Variants in CDKL5 observed in about 807,000 individuals in gnomAD.
CDKL5 encodes the protein cyclin-dependent kinase-like 5.
A neutral mutation model predicts 61.7 loss-of-function variants in CDKL5; 8 were observed. The observed-to-expected ratio is 0.13, with a 90% CI of 0.08 to 0.23. The LOEUF (loss-of-function observed/expected upper bound fraction) is 0.23, where lower values mean the gene tolerates loss of function less well. Among genes scored for constraint, CDKL5 ranks in the 10% least tolerant of loss-of-function variants. The pLI is 1.00. For synonymous variants in CDKL5, 275 were observed against 272.3 expected, an observed-to-expected ratio of 1.01 and a Z score of -0.10; for missense variants, 440 against 734.5, an observed-to-expected ratio of 0.60 and a Z score of 4.63.
chrX:18,479,414 A>G (rs376764716), intron 1 of CDKL5, among the ~76,000 whole-genome samples: 224 of 102,347 alleles, frequency 2.2e-3, no homozygotes, highest in African/African-American at 7.2e-3. Context: ...CCGCCTCCCA[A>G]GTTCACGCCA....
intron 1 of CDKL5, chrX:18,444,080 T>G (rs1008175409): frequency 8.9e-5 from 9 of 101,079 alleles, no homozygotes; most frequent in Non-Finnish European, 1.2e-4. Flanking sequence ...ATCTTCAGGG[T>G]TTTTTTTTTT....
rs768333496 is a variant in CDKL5, at chrX:18,547,152, G to GAATA, written c.100-17321_100-17318dup. On this transcript the variant is annotated intron_variant, in intron 3 of 17. Coordinates refer to ENST00000623535, the MANE Select transcript of CDKL5 (RefSeq NM_001323289.2). ...GGGGCTTGAAAAATGTTTATTGGTT[G>GAATA]AATAAATGAATGAATGAATGAAGAA... Among the ~76,000 whole-genome samples the GAATA allele has an allele frequency of 5.1e-3, 570 of 112,077 alleles. 2 individuals are homozygous for GAATA. The highest frequency in any genetic ancestry group is 0.018 in the African/African-American group (558 of 30,781).
rs140238582 is a variant in CDKL5 at position 18,460,845 on chromosome X, A to G, written c.-163+35150A>G. Reference sequence around the variant, plus strand: ...TATTAAGTGGGATTCAAGGAGGCCCATCATGTCAGAATGCTGTGGGTTGGC... The same window carrying G: ...TATTAAGTGGGATTCAAGGAGGCCCGTCATGTCAGAATGCTGTGGGTTGGC... On this transcript the variant is annotated intron_variant, in intron 1 of 17. Transcript: ENST00000623535. Among the ~76,000 whole-genome samples, 706 of 112,038 alleles carry G rather than the reference A, an allele frequency of 6.3e-3. 4 individuals are homozygous for G. The highest frequency in any genetic ancestry group is 0.032 in the Middle Eastern group (7 of 218).
intron 20 of CDKL5, chrX:18,647,097 A>T (rs1020997773): frequency 9.8e-7 from 1 of 1,018,087 alleles, no homozygotes. Context: ...TTGTATTTTT[A>T]GTAGAGACGG....
At chrX:18,518,470 T>A in intron 3 of CDKL5, among the ~76,000 whole-genome samples, 1 of 86,546 alleles carries the variant, frequency 1.2e-5, no homozygotes, top group Non-Finnish European at 2.2e-5. Flanking sequence ...AGTGGGACAA[T>A]CTCAGCTCAC....
intron 1 of CDKL5, among the ~76,000 whole-genome samples, chrX:18,488,836 C>G (rs1231172685): frequency 8.9e-6 from 1 of 111,865 alleles, no homozygotes; most frequent in Non-Finnish European, 1.9e-5. Flanking sequence ...CTTTGGAATT[C>G]AGGCATGGCT....
intron 21 of CDKL5, among the ~76,000 whole-genome samples, chrX:18,652,092 G>A (rs1253186597): frequency 9.1e-6 from 1 of 110,469 alleles, no homozygotes; most frequent in Admixed American, 9.6e-5. Context: ...ATCTCCCCTC[G>A]CCTGCCTCCC....
At chrX:18,557,278 A>G (rs1300384362) in intron 3 of CDKL5, among the ~76,000 whole-genome samples, 1 of 112,298 alleles carries the variant, frequency 8.9e-6, no homozygotes, top group African/African-American at 3.2e-5. Context: ...TAAAAATAAC[A>G]GTATTACAAC....
chrX:18,450,889 T>A (rs76576515), intron 1 of CDKL5, among the ~76,000 whole-genome samples: 4 of 109,904 alleles, frequency 3.6e-5, no homozygotes, highest in African/African-American at 1.3e-4. Flanking sequence ...TTTTTTTTTT[T>A]AACATGCTGT....
At position 18,560,776 on chromosome X, in the gene CDKL5, T is replaced by TAC. The variant is rs57724882; in HGVS notation, c.100-3678_100-3677dup. Among the ~76,000 whole-genome samples the TAC allele has an allele frequency of 8.3e-3, 867 of 104,259 alleles. 9 individuals carry two copies. The highest frequency in any genetic ancestry group is 0.025 in the African/African-American group (711 of 28,673). The allele number at this position is 104,259 out of a possible 115,157, so 90.5% of individuals were successfully genotyped here. ...TTCCAGGTATTATTGATTCAAAAAA[T>TAC]ACACACACACACACACACACACACT... is the stretch of plus-strand genomic sequence containing the variant. On this transcript the variant is annotated intron_variant, in intron 3 of 17. Coordinates refer to ENST00000623535, the MANE Select transcript of CDKL5 (RefSeq NM_001323289.2).
At chrX:18,616,780 A>G (rs1398229703) in intron 15 of CDKL5, among the ~76,000 whole-genome samples, 1 of 111,677 alleles carries the variant, frequency 9.0e-6, no homozygotes, top group Non-Finnish European at 1.9e-5. Context: ...AGAATTATTC[A>G]CTGACTCTCT....
intron 3 of CDKL5, among the ~76,000 whole-genome samples, chrX:18,526,675 C>T (rs1923450335): frequency 9.0e-6 from 1 of 111,083 alleles, no homozygotes; most frequent in Admixed American, 9.6e-5. Flanking sequence ...GATTGAGTTT[C>T]AAAAAACGCT....
chrX:18,595,407 T>C lies in CDKL5; in HGVS notation c.804T>C (p.Ser268=). The C allele has an allele frequency of 1.7e-6, 2 of 1,177,575 alleles. No individual in the cohort carries two copies. Among genetic ancestry groups the C allele is most frequent in the Non-Finnish European group, 2.3e-6 (2 of 864,455 alleles). The change falls in exon 10 of 18, where the codon AGT becomes AGC. Residue 268 remains serine, a synonymous_variant. Coordinates refer to ENST00000623535, the MANE Select transcript of CDKL5 (RefSeq NM_001323289.2). ...GAAGATACCTTGGAATTTTGAATAG[T>C]GTTCTACTTGACCTAATGAAGGTAA... is the stretch of plus-strand genomic sequence containing the variant. The part of the protein sequence containing the change: ...LERRYLGILN[S]VLLDLMKNLL...
chrX:18,552,789 T>G (rs1310815783), intron 3 of CDKL5, among the ~76,000 whole-genome samples: 1 of 110,375 alleles, frequency 9.1e-6, no homozygotes, highest in African/African-American at 3.3e-5. Flanking sequence ...ACAAAGGGAA[T>G]AGACCCTAAG....
At chrX:18,550,186 G>A (rs992769675) in intron 3 of CDKL5, among the ~76,000 whole-genome samples, 6 of 111,426 alleles carry the variant, frequency 5.4e-5, no homozygotes, top group African/African-American at 2.0e-4. Flanking sequence ...TAGATCCCTG[G>A]GCTCTGGGCC....
At chrX:18,539,332 A>G (rs1353209285) in intron 3 of CDKL5, among the ~76,000 whole-genome samples, 3 of 111,931 alleles carry the variant, frequency 2.7e-5, no homozygotes, top group Non-Finnish European at 5.6e-5. Context: ...TAAAAAATGT[A>G]TACATTGAAT....
chrX:18,582,631 A>AT (rs1221145697), intron 7 of CDKL5, among the ~76,000 whole-genome samples: 1 of 111,825 alleles, frequency 8.9e-6, no homozygotes, highest in Non-Finnish European at 1.9e-5. Context: ...TGAACACTTG[A>AT]TTTTTTAAAT....
chrX:18,602,511 A>C lies in CDKL5; in HGVS notation c.978-1391A>C, dbSNP rs760672739. ...CTTTGCCATTTTAGTGCTCATATTTAGGAGTCCTTTTATTTAATGCTGTAA... is the reference window on the plus strand; with the variant it reads ...CTTTGCCATTTTAGTGCTCATATTTCGGAGTCCTTTTATTTAATGCTGTAA... On this transcript the variant is annotated intron_variant, in intron 11 of 17. Transcript: ENST00000623535. Among the ~76,000 whole-genome samples the C allele has an allele frequency of 2.7e-5, 3 of 111,392 alleles. No individual in the cohort carries two copies. The South Asian group carries it at 1.1e-3, about 42-fold the overall frequency.
chrX:18,579,765 A>G, intron 5 of CDKL5, 83 bp from the exon 6 acceptor site: 1 of 958,498 alleles, frequency 1.0e-6, no homozygotes, highest in East Asian at 3.1e-5. Flanking sequence ...TGGATGAATT[A>G]TTCTAGATGC....
Sources: gnomAD v4.1 joint callset for allele counts (sites outside exome capture counted in the v4.1 genomes callset) on GRCh38, gnomAD v4.1.1 for gene constraint, MANE v1.5 for transcripts, NCBI Gene and HGNC (gene_info 2026-07-23, HGNC 2026-07-21) for gene names.